The following PRKN variants were observed in gnomAD, a reference collection of about 807,000 sequenced individuals.
PRKN encodes the protein E3 ubiquitin-protein ligase parkin.
In PRKN, 56 loss-of-function variants were observed where a neutral mutation model predicts 59.5. The ratio of observed to expected loss-of-function variants is 0.94; its 90% CI spans 0.76 to 1.18. The LOEUF (loss-of-function observed/expected upper bound fraction) is 1.18, where lower values mean the gene tolerates loss of function less well. Among genes scored for constraint, PRKN ranks in the 50% most tolerant of loss-of-function variants. The probability of loss-of-function intolerance (pLI) is 0.00; values close to 1 mark genes in which losing one functional copy is unlikely to be tolerated. For synonymous variants in PRKN, 250 were observed against 222.1 expected, an observed-to-expected ratio of 1.13 and a Z score of -1.12; for missense variants, 657 against 596.4, an observed-to-expected ratio of 1.10 and a Z score of -1.06.
At chr6:161,619,641 C>T (rs992760616) in intron 7 of PRKN, among the ~76,000 whole-genome samples, 14 of 152,100 alleles carry the variant, frequency 9.2e-5, no homozygotes, top group African/African-American at 3.4e-4. Flanking sequence ...TATCCAGTCA[C>T]ACTTGGTATG....
At chr6:162,565,697 A>ATAC (rs1780040051) in intron 1 of PRKN, among the ~76,000 whole-genome samples, 18 of 148,790 alleles carry the variant, frequency 1.2e-4, no homozygotes, top group East Asian at 6.1e-4. Flanking sequence ...TCTCAAAATA[A>ATAC]ATACATACAT....
intron 5 of PRKN, among the ~76,000 whole-genome samples, chr6:162,019,204 T>C (rs1344934637): frequency 1.3e-5 from 2 of 152,348 alleles, no homozygotes; most frequent in East Asian, 1.9e-4. Flanking sequence ...AGGTTATTCA[T>C]GACTTAAGCA....
intron 1 of PRKN, among the ~76,000 whole-genome samples, chr6:162,651,856 C>T (rs1195847314): frequency 1.3e-5 from 2 of 152,090 alleles, no homozygotes; most frequent in Non-Finnish European, 2.9e-5. Flanking sequence ...AGTTGATTTT[C>T]ATTCACTAAT....
chr6:161,656,866 G>A (rs1031358231), intron 7 of PRKN, among the ~76,000 whole-genome samples: 5 of 152,158 alleles, frequency 3.3e-5, no homozygotes, highest in African/African-American at 4.8e-5. Flanking sequence ...GACAGGTGAC[G>A]TGATATTCTA....
intron 6 of PRKN, among the ~76,000 whole-genome samples, chr6:161,806,361 CATG>C (rs1167878223): frequency 3.9e-5 from 6 of 152,162 alleles, no homozygotes; most frequent in South Asian, 2.1e-4. Flanking sequence ...AGAGGCAGCG[CATG>C]ATGTTTGGAC....
intron 9 of PRKN, among the ~76,000 whole-genome samples, chr6:161,404,004 G>A (rs1370550570): frequency 1.3e-5 from 2 of 152,094 alleles, no homozygotes; most frequent in Non-Finnish European, 2.9e-5. Flanking sequence ...CCAGTCTGTG[G>A]TATTCCATGT....
intron 4 of PRKN, among the ~76,000 whole-genome samples, chr6:162,083,409 A>T (rs1779135847): frequency 6.6e-6 from 1 of 152,078 alleles, no homozygotes; most frequent in Non-Finnish European, 1.5e-5. Flanking sequence ...ACAAACCTTC[A>T]ATTTGTAAAA....
chr6:162,284,311 A>C (rs1303165397), intron 2 of PRKN, among the ~76,000 whole-genome samples: 1 of 133,188 alleles, frequency 7.5e-6, no homozygotes, highest in Non-Finnish European at 1.5e-5. Flanking sequence ...TGCAACGTCC[A>C]CCTCTCGGGT....
Position 161,549,043 on chromosome 6 carries a change from T to C in PRKN, c.934-40A>G. ...AAGCAGATTGAGCTTTCAAACTGACTGCAAATTTCAGCCAAAGGGTTAGGA... is the reference window on the plus strand; with the variant it reads ...AAGCAGATTGAGCTTTCAAACTGACCGCAAATTTCAGCCAAAGGGTTAGGA... On this transcript the variant is annotated intron_variant, in intron 8 of 11. Transcript: ENST00000366898. The surrounding 1 kb of genome is among the most constrained non-coding windows in gnomAD (Gnocchi z 6.0). 1 of 1,613,390 alleles carries C rather than the reference T, an allele frequency of 6.2e-7. No homozygotes were observed.
At chr6:161,762,960 A>T (rs1414103878) in intron 7 of PRKN, among the ~76,000 whole-genome samples, 1 of 152,206 alleles carries the variant, frequency 6.6e-6, no homozygotes, top group African/African-American at 2.4e-5. Flanking sequence ...TGAAATACTG[A>T]GAGACTACTG....
At chr6:161,496,374 G>A (rs998209126) in intron 9 of PRKN, among the ~76,000 whole-genome samples, 4 of 152,192 alleles carry the variant, frequency 2.6e-5, no homozygotes, top group Non-Finnish European at 4.4e-5. Flanking sequence ...GTATTAGTCT[G>A]GTCTCATGCT....
At chr6:161,759,791 C>G (rs990789970) in intron 7 of PRKN, among the ~76,000 whole-genome samples, 3 of 152,138 alleles carry the variant, frequency 2.0e-5, no homozygotes, top group African/African-American at 7.2e-5. Flanking sequence ...GAGTATATAT[C>G]TGGTGTTTCA....
At position 162,584,907 on chromosome 6, in the gene PRKN, C is replaced by T. The variant is rs562850495; in HGVS notation, c.8-141434G>A. Among the ~76,000 whole-genome samples, 358 of 93,994 alleles carry T rather than the reference C, an allele frequency of 3.8e-3. 14 individuals carry two copies. Among genetic ancestry groups the T allele is most frequent in the Non-Finnish European group, 5.4e-3 (243 of 44,638 alleles). The allele number at this position is 93,994 out of a possible 152,430, so 61.7% of individuals were successfully genotyped here. On this transcript the variant is annotated intron_variant, in intron 1 of 11. Coordinates refer to ENST00000366898, the MANE Select transcript of PRKN (RefSeq NM_004562.3). ...CTCCCCTCCCCTCCCCTCTCCTCTT[C>T]TCTTTTCTTTTCTTTTTGAGATGGA...
At position 161,977,535 on chromosome 6, in the gene PRKN, TTTTTTGG is replaced by T. The variant is rs1334301452; in HGVS notation, c.619-4125_619-4119del. Among the ~76,000 whole-genome samples, 290 of 98,430 alleles carry T rather than the reference TTTTTTGG, an allele frequency of 2.9e-3. 3 individuals carry two copies. Among genetic ancestry groups the T allele is most frequent in the African/African-American group, 9.4e-3 (241 of 25,628 alleles). The allele number at this position is 98,430 out of a possible 152,430, so 64.6% of individuals were successfully genotyped here. Reference sequence around the variant, plus strand: ...AAACATTATCTTCTCTACTTTCTGTTTTTTTGGTTTTTTTTTTTTTTTTTTTTTTTAA... The same window carrying T: ...AAACATTATCTTCTCTACTTTCTGTTTTTTTTTTTTTTTTTTTTTTTTTAA... On this transcript the variant is annotated intron_variant, in intron 5 of 11. Coordinates refer to ENST00000366898, the MANE Select transcript of PRKN (RefSeq NM_004562.3).
At chr6:161,436,906 C>T (rs1788940313) in intron 9 of PRKN, among the ~76,000 whole-genome samples, 1 of 152,072 alleles carries the variant, frequency 6.6e-6, no homozygotes, top group South Asian at 2.1e-4. Context: ...CTCTGTCTCA[C>T]TACTGGGTAC....
chr6:162,467,751 G>A (rs1438725201), intron 1 of PRKN, among the ~76,000 whole-genome samples: 1 of 151,800 alleles, frequency 6.6e-6, no homozygotes, highest in Non-Finnish European at 1.5e-5. Context: ...ACTCCTTACT[G>A]CAGCCTACAG....
intron 1 of PRKN, among the ~76,000 whole-genome samples, chr6:162,718,507 C>T (rs1190592881): frequency 1.3e-5 from 2 of 151,942 alleles, no homozygotes; most frequent in Non-Finnish European, 2.9e-5. Flanking sequence ...GTCAGGAGAT[C>T]GAGACCATCC....
At chr6:162,332,774 C>T (rs551710773) in intron 2 of PRKN, among the ~76,000 whole-genome samples, 22 of 152,206 alleles carry the variant, frequency 1.4e-4, no homozygotes, top group African/African-American at 4.3e-4. Context: ...CCAACATCCA[C>T]GACAGCCCCC....
rs1053293935 is a variant in PRKN at position 161,409,487 on chromosome 6, C to A, written c.1084-22610G>T. Among the ~76,000 whole-genome samples, 1 of 152,102 alleles carries A rather than the reference C, an allele frequency of 6.6e-6. No homozygotes were observed. Among genetic ancestry groups the A allele is most frequent in the African/African-American group, 2.4e-5 (1 of 41,392 alleles). On this transcript the variant is annotated intron_variant, in intron 9 of 11. Transcript: ENST00000366898. This position sits in a 1 kb window ranked among gnomAD's most constrained non-coding sequence, Gnocchi z 4.6. ...AAGGACCCAGTCTTTCCAGAGTGCC[C>A]CTTTCTCAGGACATAGACAAGTAGC... is the stretch of plus-strand genomic sequence containing the variant.
Sources: allele counts gnomAD v4.1 joint callset (sites outside exome capture counted in the v4.1 genomes callset), GRCh38; gene constraint gnomAD v4.1.1; non-coding constraint Gnocchi (gnomAD v3.1); transcripts MANE v1.5; gene names NCBI Gene and HGNC (gene_info 2026-07-23, HGNC 2026-07-21).